ATXN7L1: variants seen among roughly 807,000 people sequenced by gnomAD.
The protein encoded by ATXN7L1 is ataxin-7-like protein 1.
ATXN7L1 carries 15 observed loss-of-function variants against 70.8 expected under a neutral mutation model. That is an observed-to-expected ratio of 0.21 (90% CI 0.14 to 0.33). ATXN7L1 has a LOEUF of 0.33. Among genes scored for constraint, ATXN7L1 ranks in the 10% least tolerant of loss-of-function variants. ATXN7L1 has a pLI of 1.00. For missense variants in ATXN7L1, 975 were observed against 1,097.1 expected, an observed-to-expected ratio of 0.89 and a Z score of 1.57; for synonymous variants, 440 against 445.1, an observed-to-expected ratio of 0.99 and a Z score of 0.14.
At chr7:105,638,840 A>T (rs1797743928) in intron 6 of ATXN7L1, among the ~76,000 whole-genome samples, 1 of 152,188 alleles carries the variant, frequency 6.6e-6, no homozygotes, top group South Asian at 2.1e-4. Context: ...AAAAAATGGC[A>T]TAGGATGACG....
chr7:105,850,420 T>C (rs751625576), intron 2 of ATXN7L1, among the ~76,000 whole-genome samples: 4 of 152,210 alleles, frequency 2.6e-5, no homozygotes, highest in Non-Finnish European at 4.4e-5. Context: ...CCAAAGGAAA[T>C]GTTCACTGCG....
chr7:105,693,802 C>T (rs1791357735), intron 3 of ATXN7L1, among the ~76,000 whole-genome samples: 1 of 152,120 alleles, frequency 6.6e-6, no homozygotes, highest in South Asian at 2.1e-4. Context: ...CTCAAAGTAA[C>T]CCACATTTTA....
rs147718380 is a variant in ATXN7L1, at chr7:105,662,082, CTTTCTTTTCT to C, written c.578+2974_578+2983del. Among the ~76,000 whole-genome samples, 57 of 78,834 alleles carry C rather than the reference CTTTCTTTTCT, an allele frequency of 7.2e-4. 1 individual carries two copies. Among genetic ancestry groups the C allele is most frequent in the East Asian group, 3.4e-3 (4 of 1,188 alleles). 51.7% of individuals were successfully genotyped at this position (78,834 alleles called of 152,430 possible). On this transcript the variant is annotated intron_variant, in intron 4 of 11. Transcript: ENST00000419735. ...TCCTTCCTTCCTTCCTTCCTTCCTT[CTTTCTTTTCT>C]TTTCTTTTCTTTTCTTTTTTTTTTT...
At position 105,665,084 on chromosome 7, in the gene ATXN7L1, C is replaced by T. The variant is rs1486826974; in HGVS notation, c.560G>A (p.Gly187Glu). The change falls in exon 4 of 12, where the codon GGA (glycine) becomes GAA (glutamate). Residue 187 changes from glycine to glutamate, a missense_variant. Transcript: ENST00000419735. Reference sequence around the variant, plus strand: ...GACTCACCATGGTTTATCCCTTGATCCTTTCGCAGGAAAGACTGTGTGCTG... The same window carrying T: ...GACTCACCATGGTTTATCCCTTGATTCTTTCGCAGGAAAGACTGTGTGCTG... ...SKQHTVFPAK[G>E]SRDKPCVPVP... 1 of 1,551,038 alleles carries T rather than the reference C, an allele frequency of 6.4e-7. No individual in the cohort carries two copies. Among genetic ancestry groups the T allele is most frequent in the African/African-American group, 1.4e-5 (1 of 73,020 alleles).
chr7:105,656,884 G>A (rs1800737281), intron 4 of ATXN7L1, among the ~76,000 whole-genome samples: 1 of 152,086 alleles, frequency 6.6e-6, no homozygotes, highest in Admixed American at 6.6e-5. Context: ...TTCTTGTAAT[G>A]CAGTTATTTT....
chr7:105,637,191 T>C (rs1797514951), intron 7 of ATXN7L1, among the ~76,000 whole-genome samples: 1 of 152,190 alleles, frequency 6.6e-6, no homozygotes, highest in Non-Finnish European at 1.5e-5. Context: ...AGCTCGGCCA[T>C]AATGACAGAG....
At chr7:105,765,467 A>G (rs894110167) in intron 3 of ATXN7L1, among the ~76,000 whole-genome samples, 1 of 152,224 alleles carries the variant, frequency 6.6e-6, no homozygotes, top group Non-Finnish European at 1.5e-5. Context: ...AAACACATAC[A>G]GTCTGCAGAT....
At chr7:105,700,542 C>A (rs1792318522) in intron 3 of ATXN7L1, among the ~76,000 whole-genome samples, 2 of 148,610 alleles carry the variant, frequency 1.3e-5, no homozygotes, top group Admixed American at 1.3e-4. Context: ...AAGACAAGGT[C>A]TCCTGGCAGC....
At chr7:105,666,459 A>G (rs574690538) in intron 3 of ATXN7L1, among the ~76,000 whole-genome samples, 1 of 152,328 alleles carries the variant, frequency 6.6e-6, no homozygotes, top group South Asian at 2.1e-4. Flanking sequence ...TTCTCTCATT[A>G]GGGCACCTTT....
At chr7:105,726,414 A>C (rs1428516148) in intron 3 of ATXN7L1, among the ~76,000 whole-genome samples, 1 of 152,164 alleles carries the variant, frequency 6.6e-6, no homozygotes. Context: ...AAGTTACCTT[A>C]CATGTCCCTT....
At position 105,638,524 on chromosome 7, in the gene ATXN7L1, C is replaced by T. The variant is rs745640458; in HGVS notation, c.1031G>A (p.Arg344Gln). 21 of 1,552,040 alleles carry T rather than the reference C, an allele frequency of 1.4e-5. No homozygotes were observed. The highest frequency in any genetic ancestry group is 2.4e-5 in the South Asian group (2 of 84,070). The change falls in exon 7 of 12, where the codon CGG (arginine) becomes CAG (glutamine). Residue 344 changes from arginine to glutamine, a missense_variant. This residue lies in a region of ATXN7L1 where 635 missense variants were observed against 699.4 expected (regional missense o/e 0.91). Transcript: ENST00000419735. ...CTCTTTATCTTTAACTTCTTTTTCC[C>T]GGGACTTTGCTTTGTGTTCTGCCAG... ...LLLAEHKAKS[R>Q]EKEVKDKEHL...
intron 3 of ATXN7L1, among the ~76,000 whole-genome samples, chr7:105,769,275 T>C (rs1224521940): frequency 1.3e-5 from 2 of 152,188 alleles, no homozygotes; most frequent in Non-Finnish European, 2.9e-5. Flanking sequence ...TTCAGAGGAA[T>C]CATCTTCCAG....
At chr7:105,822,326 A>G (rs1444392926) in intron 2 of ATXN7L1, among the ~76,000 whole-genome samples, 1 of 152,228 alleles carries the variant, frequency 6.6e-6, no homozygotes, top group Non-Finnish European at 1.5e-5. Context: ...TTGGAGCTGT[A>G]GGGAGAAAGG....
At chr7:105,706,533 T>A (rs190605061) in intron 3 of ATXN7L1, among the ~76,000 whole-genome samples, 1 of 152,208 alleles carries the variant, frequency 6.6e-6, no homozygotes, top group Non-Finnish European at 1.5e-5. Context: ...CTTTGCCTGT[T>A]ACAGCAAAAA....
rs886972966 is a variant in ATXN7L1 at position 105,816,274 on chromosome 7, G to A, written c.251-27566C>T. On this transcript the variant is annotated intron_variant, in intron 2 of 11. Coordinates refer to ENST00000419735, the MANE Select transcript of ATXN7L1 (RefSeq NM_020725.2). ...AGAGGTTGTTCTGGGGAGAGGGTCT[G>A]GGGGCTGGGGAGAGTCTGAGAAGGG... Among the ~76,000 whole-genome samples the A allele has an allele frequency of 5.3e-5, 8 of 152,182 alleles. 1 individual carries two copies. The highest frequency in any genetic ancestry group is 1.4e-4 in the African/African-American group (6 of 41,452).
At chr7:105,655,514 G>A (rs1248597631) in intron 4 of ATXN7L1, among the ~76,000 whole-genome samples, 2 of 151,982 alleles carry the variant, frequency 1.3e-5, no homozygotes, top group Non-Finnish European at 2.9e-5. Context: ...CAAGAATCCT[G>A]CTGAGGAATG....
At chr7:105,801,125 T>C (rs1806755933) in intron 2 of ATXN7L1, among the ~76,000 whole-genome samples, 1 of 152,182 alleles carries the variant, frequency 6.6e-6, no homozygotes, top group South Asian at 2.1e-4. Context: ...GTCTGATACT[T>C]GGGATGCTGT....
rs556048408 is a variant in ATXN7L1 at position 105,740,784 on chromosome 7, T to TTTTTTTTTTTTTTTTTTTTTTTTTTTTTG, written c.355+47819_355+47820insCAAAAAAAAAAAAAAAAAAAAAAAAAAAA. The stretch of plus-strand genomic sequence containing the variant: ...GGCTCCATTCATTTTTTTTTTTTTT[T>TTTTTTTTTTTTTTTTTTTTTTTTTTTTTG]AATGGAGTCTCACTCTGTCGCCCAG... On this transcript the variant is annotated intron_variant, in intron 3 of 11. Coordinates refer to ENST00000419735, the MANE Select transcript of ATXN7L1 (RefSeq NM_020725.2). Among the ~76,000 whole-genome samples, 55 of 77,912 alleles carry TTTTTTTTTTTTTTTTTTTTTTTTTTTTTG rather than the reference T, an allele frequency of 7.1e-4. 18 individuals are homozygous for TTTTTTTTTTTTTTTTTTTTTTTTTTTTTG. The highest frequency in any genetic ancestry group is 1.5e-3 in the African/African-American group (24 of 16,358). 51.1% of individuals were successfully genotyped at this position (77,912 alleles called of 152,430 possible).
chr7:105,781,222 T>G (rs557383944), intron 3 of ATXN7L1, among the ~76,000 whole-genome samples: 1 of 150,514 alleles, frequency 6.6e-6, no homozygotes, highest in Non-Finnish European at 1.5e-5. Flanking sequence ...TAGGTAGTTA[T>G]GTAACTATAT....
Sources: allele counts gnomAD v4.1 joint callset (sites outside exome capture counted in the v4.1 genomes callset), GRCh38; gene constraint gnomAD v4.1.1; regional missense constraint gnomAD v4.1.1; transcripts MANE v1.5; gene names NCBI Gene and HGNC (gene_info 2026-07-23, HGNC 2026-07-21).